SYTL5: variants seen among roughly 807,000 people sequenced by gnomAD.
SYTL5 encodes the protein synaptotagmin like 5, also known as synaptotagmin-like protein 5.
In SYTL5, 34 loss-of-function variants were observed where a neutral mutation model predicts 55.9. That is an observed-to-expected ratio of 0.61 (90% CI 0.46 to 0.81). SYTL5 has a LOEUF of 0.81. Among genes scored for constraint, SYTL5 ranks in the 30% least tolerant of loss-of-function variants. The probability of loss-of-function intolerance (pLI) is 0.00; values close to 1 mark genes in which losing one functional copy is unlikely to be tolerated. For missense variants in SYTL5, 637 were observed against 546.7 expected, an observed-to-expected ratio of 1.17 and a Z score of -1.65; for synonymous variants, 221 against 188.7, an observed-to-expected ratio of 1.17 and a Z score of -1.40.
rs185382378 is a variant in SYTL5, at chrX:38,122,443, C to G, written c.1841+228C>G. Among the ~76,000 whole-genome samples, 23 of 112,326 alleles carry G rather than the reference C, an allele frequency of 2.0e-4. No homozygotes were observed. In the East Asian group the frequency reaches 6.1e-3, roughly 30 times the overall value. The stretch of plus-strand genomic sequence containing the variant: ...CAACATATTTCAGGAATTCCCATCA[C>G]TCTTACTCTCAAGACAGTCAACTTT... On this transcript the variant is annotated intron_variant, in intron 15 of 16. Transcript: ENST00000297875.
intron 1 of SYTL5, among the ~76,000 whole-genome samples, chrX:38,024,483 A>G (rs760997180): frequency 2.4e-4 from 27 of 111,127 alleles, no homozygotes; most frequent in African/African-American, 7.9e-4. Flanking sequence ...AAATGGACTA[A>G]TACAGCACTG....
intron 1 of SYTL5, among the ~76,000 whole-genome samples, chrX:38,027,555 T>C (rs745945265): frequency 1.8e-5 from 2 of 112,126 alleles, no homozygotes; most frequent in African/African-American, 3.2e-5. Context: ...ACCATACTTC[T>C]AGAAACACAA....
At chrX:37,899,573 G>A in the SYTL5 span, among the ~76,000 whole-genome samples, 2 of 111,610 alleles carry the variant, frequency 1.8e-5, no homozygotes, top group African/African-American at 6.5e-5. Context: ...CTAATCCTTA[G>A]AACCAGACAC....
At chrX:38,001,972 T>A (rs1348088168), upstream of SYTL5, among the ~76,000 whole-genome samples, 1 of 110,580 alleles carries the variant, frequency 9.0e-6, no homozygotes, top group African/African-American at 3.3e-5. Context: ...CCATTAACTC[T>A]TCATTTAACA....
At chrX:37,907,165 A>G in the SYTL5 span, among the ~76,000 whole-genome samples, 2 of 111,845 alleles carry the variant, frequency 1.8e-5, no homozygotes, top group East Asian at 5.6e-4. Context: ...AGTGGTCTTA[A>G]TTCACAACAC....
chrX:38,078,772 T>C (rs1156788046), intron 6 of SYTL5, among the ~76,000 whole-genome samples: 1 of 112,276 alleles, frequency 8.9e-6, no homozygotes, highest in East Asian at 2.8e-4. Context: ...TATAAAGCCA[T>C]ATGGACATGC....
chrX:37,940,120 G>A, the SYTL5 span, among the ~76,000 whole-genome samples: 13 of 110,603 alleles, frequency 1.2e-4, no homozygotes, highest in Non-Finnish European at 3.8e-5. Flanking sequence ...ATAGGTGTGA[G>A]CCACCTCACC....
chrX:37,944,772 A>AGTCTC, the SYTL5 span, among the ~76,000 whole-genome samples: 3 of 112,387 alleles, frequency 2.7e-5, no homozygotes, highest in Admixed American at 2.8e-4. Flanking sequence ...AAGGAGACTG[A>AGTCTC]GTCTCATTTT....
At chrX:37,935,454 G>A in the SYTL5 span, among the ~76,000 whole-genome samples, 1 of 112,114 alleles carries the variant, frequency 8.9e-6, no homozygotes, top group Non-Finnish European at 1.9e-5. Flanking sequence ...CATATATAAA[G>A]TATAGCATAA....
chrX:38,120,153 T>C, intron 13 of SYTL5, among the ~76,000 whole-genome samples: 2 of 112,608 alleles, frequency 1.8e-5, no homozygotes, highest in South Asian at 7.3e-4. Context: ...TGTTAAAAGT[T>C]ATATGCAAAT....
the SYTL5 span, among the ~76,000 whole-genome samples, chrX:37,995,969 T>C: frequency 8.2e-5 from 9 of 109,812 alleles, no homozygotes; most frequent in Admixed American, 8.6e-4. Context: ...TGTAGTCAGG[T>C]GGTCACCTTA....
At chrX:37,989,866 A>G in the SYTL5 span, among the ~76,000 whole-genome samples, 1 of 109,942 alleles carries the variant, frequency 9.1e-6, no homozygotes, top group Non-Finnish European at 1.9e-5. Flanking sequence ...AACTTATTGA[A>G]CATCTTATTA....
At chrX:37,891,973 T>C in the SYTL5 span, among the ~76,000 whole-genome samples, 1 of 111,929 alleles carries the variant, frequency 8.9e-6, no homozygotes, top group Non-Finnish European at 1.9e-5. Context: ...GGATGAAATA[T>C]GTAAAGCAAC....
rs1348691522 is a variant in SYTL5 at position 38,108,680 on chromosome X, A to G, written c.1415A>G (p.Glu472Gly). The G allele has an allele frequency of 1.7e-6, 2 of 1,190,752 alleles. No homozygotes were observed. The highest frequency in any genetic ancestry group is 3.7e-5 in the South Asian group (2 of 54,653). Residue 472 changes from glutamate (E) to glycine (G), a missense_variant, in exon 12 of 17, where the codon GAA (glutamate) becomes GGA (glycine). Transcript: ENST00000297875. ...AAAATCAGAACAGGCACCAATCCAG[A>G]ATTCAATGAAACACTAAAGGTAAAT... ...KTKIRTGTNP[E>G]FNETLKYTIS...
chrX:37,910,785 T>A, the SYTL5 span, among the ~76,000 whole-genome samples: 2 of 111,508 alleles, frequency 1.8e-5, no homozygotes, highest in Non-Finnish European at 3.8e-5. Context: ...GGTGTCGGGG[T>A]AGAGCCCAAG....
chrX:37,978,851 G>C, the SYTL5 span, among the ~76,000 whole-genome samples: 2 of 111,295 alleles, frequency 1.8e-5, no homozygotes, highest in African/African-American at 6.5e-5. Flanking sequence ...GGCTATAAAG[G>C]GGAGAAGGTG....
At chrX:37,951,991 G>A in the SYTL5 span, among the ~76,000 whole-genome samples, 1 of 111,046 alleles carries the variant, frequency 9.0e-6, no homozygotes, top group African/African-American at 3.3e-5. Flanking sequence ...CAGAGCAGTG[G>A]CAAAAGAAAT....
chrX:37,954,770 C>T, the SYTL5 span, among the ~76,000 whole-genome samples: 1 of 111,313 alleles, frequency 9.0e-6, no homozygotes, highest in Admixed American at 9.6e-5. Context: ...CACACACGTA[C>T]GCACACACAT....
At chrX:38,071,178 G>A (rs999309000) in intron 3 of SYTL5, among the ~76,000 whole-genome samples, 4 of 111,686 alleles carry the variant, frequency 3.6e-5, no homozygotes, top group Non-Finnish European at 7.5e-5. Flanking sequence ...CAACCCAGTC[G>A]AAATGAGAGG....
Sources: allele counts gnomAD v4.1 joint callset (sites outside exome capture counted in the v4.1 genomes callset), GRCh38; gene constraint gnomAD v4.1.1; transcripts MANE v1.5; gene names NCBI Gene and HGNC (gene_info 2026-07-23, HGNC 2026-07-21).